CREBBP: variants seen among roughly 807,000 people sequenced by gnomAD.
The protein encoded by CREBBP is CREB binding lysine acetyltransferase.
CREBBP carries 19 observed loss-of-function variants against 265.0 expected under a neutral mutation model. That is an observed-to-expected ratio of 0.07 (90% CI 0.05 to 0.11). The LOEUF is 0.11. CREBBP is among the 10% of genes least tolerant of loss of function. The pLI is 1.00. For missense variants in CREBBP, 2,525 were observed against 3,219.0 expected (o/e 0.78, Z 5.22); for synonymous variants, 1,457 against 1,223.7 (o/e 1.19, Z -3.98).
chr16:3,754,237 T>G (rs2052538664), intron 19 of CREBBP, among the ~76,000 whole-genome samples: 1 of 152,182 alleles, frequency 6.6e-6, no homozygotes, highest in African/African-American at 2.4e-5. Context: ...TTCACTTTAT[T>G]ACTGTTCTGA....
chr16:3,827,581 C>T (rs981020353), intron 2 of CREBBP, among the ~76,000 whole-genome samples: 6 of 151,730 alleles, frequency 4.0e-5, no homozygotes, highest in East Asian at 1.9e-4. Context: ...TTAGTGGAGA[C>T]GGGGTTTCAC....
Position 3,727,984 on chromosome 16 carries a change from G to T in CREBBP, c.7063C>A (p.Gln2355Lys), listed in dbSNP as rs1179308620. 1.9e-6 allele frequency: 3 copies of T among 1,609,088 alleles called. No homozygotes were observed. Among genetic ancestry groups the T allele is most frequent in the South Asian group, 2.2e-5 (2 of 90,672 alleles). Residue 2355 changes from glutamine to lysine, a missense_variant, in exon 31 of 31, where the codon CAG becomes AAG. By Grantham distance (53) the Gln-to-Lys change is moderately conservative (BLOSUM62 1). This residue lies in a region of CREBBP where 473 missense variants were observed against 459.3 expected (regional missense o/e 1.03). Coordinates refer to ENST00000262367, the MANE Select transcript of CREBBP (RefSeq NM_004380.3). ...SPAPVQSPRPQSQPPHSSPSP... is the reference protein window; with the variant it reads ...SPAPVQSPRPKSQPPHSSPSP... ...GGGCTGGAATGTGGAGGCTGGGACT[G>T]GGGCCGTGGAGACTGGACAGGGGCT...
chr16:3,768,716 A>C (rs2141187953), intron 15 of CREBBP, among the ~76,000 whole-genome samples: 1 of 152,278 alleles, frequency 6.6e-6, no homozygotes, highest in South Asian at 2.1e-4. Flanking sequence ...TTTTCAAGAA[A>C]AGCCAGAAAT....
At position 3,841,660 on chromosome 16, in the gene CREBBP, A is replaced by G. The variant is rs148504207; in HGVS notation, c.798+8637T>C. Among the ~76,000 whole-genome samples, 100 of 152,272 alleles carry G rather than the reference A, an allele frequency of 6.6e-4. 2 individuals carry two copies. Among genetic ancestry groups the G allele is most frequent in the African/African-American group, 2.3e-3 (94 of 41,556 alleles). On this transcript the variant is annotated intron_variant, in intron 2 of 30. Coordinates refer to ENST00000262367, the MANE Select transcript of CREBBP (RefSeq NM_004380.3). ...TGTCTCAAAATAAATAAATAATATT[A>G]GAGATTTCCAATAATCTACCCAAAA...
chr16:3,767,348 G>T, intron 16 of CREBBP: 1 of 253,382 alleles, frequency 3.9e-6, no homozygotes, highest in Non-Finnish European at 7.7e-6. Flanking sequence ...GGCTTTTTTG[G>T]TTATTCTCCT....
chr16:3,768,136 G>GTTTGTTTTT (rs2052905281), intron 15 of CREBBP, among the ~76,000 whole-genome samples: 26 of 51,614 alleles, frequency 5.0e-4, no homozygotes, highest in East Asian at 1.4e-3. Flanking sequence ...ATTTAAAAGT[G>GTTTGTTTTT]TTTTTTTTTT....
chr16:3,872,801 G>T (rs2055327706), intron 1 of CREBBP, among the ~76,000 whole-genome samples: 1 of 152,208 alleles, frequency 6.6e-6, no homozygotes, highest in South Asian at 2.1e-4. Flanking sequence ...CAACAACCAG[G>T]AATGCATGGA....
At chr16:3,779,257 T>C (rs1167908700) in intron 8 of CREBBP, among the ~76,000 whole-genome samples, 2 of 152,024 alleles carry the variant, frequency 1.3e-5, no homozygotes, top group East Asian at 3.9e-4. Context: ...CACTGCAACT[T>C]TGAACTCCTG....
At chr16:3,819,848 C>A (rs1174001510) in intron 2 of CREBBP, among the ~76,000 whole-genome samples, 1 of 152,118 alleles carries the variant, frequency 6.6e-6, no homozygotes, top group Non-Finnish European at 1.5e-5. Flanking sequence ...AAGAACTGAA[C>A]ATGAAAGAAC....
chr16:3,872,517 T>G (rs2055321274), intron 1 of CREBBP, among the ~76,000 whole-genome samples: 1 of 152,118 alleles, frequency 6.6e-6, no homozygotes, highest in African/African-American at 2.4e-5. Flanking sequence ...AATAGGAGAA[T>G]TTTGCCGAAA....
intron 1 of CREBBP, 42 bp downstream of exon 1, chr16:3,879,790 C>T: frequency 2.6e-6 from 4 of 1,544,256 alleles, no homozygotes; most frequent in Non-Finnish European, 3.5e-6. Flanking sequence ...GTGGGGGTGA[C>T]AGCGCGCCCC....
intron 1 of CREBBP, among the ~76,000 whole-genome samples, chr16:3,863,808 T>A (rs2141555947): frequency 6.6e-6 from 1 of 151,938 alleles, no homozygotes; most frequent in East Asian, 1.9e-4. Context: ...CCCTGAAGGG[T>A]GGGGACAAGG....
intron 23 of CREBBP, chr16:3,741,719 C>T (rs908061807): frequency 3.9e-5 from 6 of 151,990 alleles, no homozygotes; most frequent in South Asian, 4.2e-4. Flanking sequence ...GCGAGTGGAT[C>T]ACCTGAGGTC....
chr16:3,819,132 C>A lies in CREBBP; in HGVS notation c.799-8353G>T, dbSNP rs574507746. On this transcript the variant is annotated intron_variant, in intron 2 of 30. Coordinates refer to ENST00000262367, the MANE Select transcript of CREBBP (RefSeq NM_004380.3). ...AGCCCAATGCCTCTTTCTGAAAAAA[C>A]CAAATTTTTCTTATTGGAACACAGC... Among the ~76,000 whole-genome samples the A allele has an allele frequency of 2.5e-4, 38 of 152,378 alleles. 1 individual carries two copies. In the South Asian group the frequency reaches 3.5e-3, roughly 14 times the overall value.
rs57582399 is a variant in CREBBP, at chr16:3,790,366, CTTTTTT to C, written c.1330+1609_1330+1614del. Among the ~76,000 whole-genome samples the C allele has an allele frequency of 1.2e-3, 81 of 66,606 alleles. 1 individual carries two copies. In the East Asian group the frequency reaches 0.023, roughly 19 times the overall value. The allele number at this position is 66,606 out of a possible 152,430, so 43.7% of individuals were successfully genotyped here. A position where few individuals can be genotyped will look rare whatever the true frequency, so the allele number is the denominator to read the frequency against. ...ATTTAACTGACTTTTAGGAAACTGG[CTTTTTT>C]TTTTTTTTTTTTTTTTTTTGAGACG... On this transcript the variant is annotated intron_variant, in intron 5 of 30. Transcript: ENST00000262367.
chr16:3,758,199 TA>T, intron 17 of CREBBP, 151 bp from the exon 18 acceptor site: 1 of 834,226 alleles, frequency 1.2e-6, no homozygotes, highest in Non-Finnish European at 1.9e-6. Flanking sequence ...GAAAAGAAAA[TA>T]ACCTCTGACG....
intron 16 of CREBBP, among the ~76,000 whole-genome samples, chr16:3,764,433 C>A: frequency 6.6e-6 from 1 of 151,382 alleles, no homozygotes; most frequent in East Asian, 2.0e-4. Context: ...CACCACCACA[C>A]CTGGCTAATT....
chr16:3,762,005 G>A (rs925268293), intron 16 of CREBBP, among the ~76,000 whole-genome samples: 1 of 152,224 alleles, frequency 6.6e-6, no homozygotes, highest in Non-Finnish European at 1.5e-5. Context: ...ATGTTTGGCA[G>A]AAGAAAAAGA....
intron 1 of CREBBP, among the ~76,000 whole-genome samples, chr16:3,855,697 T>TC (rs1413865051): frequency 6.6e-6 from 1 of 152,198 alleles, no homozygotes. Flanking sequence ...AGCAGACAGT[T>TC]CCATGAGGGC....
Sources: allele counts gnomAD v4.1 joint callset (sites outside exome capture counted in the v4.1 genomes callset), GRCh38; gene constraint gnomAD v4.1.1; regional missense constraint gnomAD v4.1.1; transcripts MANE v1.5; gene names NCBI Gene and HGNC (gene_info 2026-07-23, HGNC 2026-07-21).